Variants in SLCO1B1 observed in about 807,000 individuals in gnomAD.
SLCO1B1 encodes OATP-2.
A neutral mutation model predicts 70.1 loss-of-function variants in SLCO1B1; 81 were observed. That is an observed-to-expected ratio of 1.16 (90% confidence interval 0.97 to 1.39). The LOEUF (loss-of-function observed/expected upper bound fraction) is 1.39, where lower values mean the gene tolerates loss of function less well. Among genes scored for constraint, SLCO1B1 ranks in the 40% most tolerant of loss-of-function variants. SLCO1B1 has a pLI of 0.00. For synonymous variants in SLCO1B1, 283 were observed against 271.5 expected, an observed-to-expected ratio of 1.04 and a Z score of -0.42; for missense variants, 895 against 799.6, an observed-to-expected ratio of 1.12 and a Z score of -1.44.
At chr12:21,149,849 A>G (rs1940443153) in intron 2 of SLCO1B1, among the ~76,000 whole-genome samples, 1 of 152,022 alleles carries the variant, frequency 6.6e-6, no homozygotes, top group Non-Finnish European at 1.5e-5. Context: ...CCAGCAAGAC[A>G]GAACCCTTCA....
At chr12:21,200,258 C>T (rs575972126) in intron 8 of SLCO1B1, among the ~76,000 whole-genome samples, 1 of 152,272 alleles carries the variant, frequency 6.6e-6, no homozygotes, top group Non-Finnish European at 1.5e-5. Context: ...AGTTACAAAA[C>T]AGCACTTACG....
At position 21,224,770 on chromosome 12, in the gene SLCO1B1, G is replaced by A. The variant is rs531488136; in HGVS notation, c.1796G>A (p.Cys599Tyr). ...IYFGALIDTT[C>Y]IKWSTNNCGT... ...TTTGGGGCTCTGATTGATACAACGT[G>A]TATAAAGTGGTCCACCAACAACTGT... The change falls in exon 14 of 15, where the codon TGT becomes TAT. Residue 599 changes from cysteine (C) to tyrosine (Y), a missense_variant. By Grantham distance (194) the Cys-to-Tyr change is radical. Coordinates refer to ENST00000256958, the MANE Select transcript of SLCO1B1 (RefSeq NM_006446.5). The A allele has an allele frequency of 9.9e-6, 16 of 1,612,280 alleles. 1 individual carries two copies. Among genetic ancestry groups the A allele is most frequent in the Admixed American group, 8.3e-5 (5 of 59,970 alleles).
At chr12:21,165,217 T>A (rs1940669499) in intron 2 of SLCO1B1, among the ~76,000 whole-genome samples, 1 of 152,198 alleles carries the variant, frequency 6.6e-6, no homozygotes, top group Non-Finnish European at 1.5e-5. Flanking sequence ...CTTATCTCAA[T>A]GTCAGTTGTC....
chr12:21,171,599 T>A (rs1222674519), intron 2 of SLCO1B1, among the ~76,000 whole-genome samples: 1 of 152,184 alleles, frequency 6.6e-6, no homozygotes, highest in Non-Finnish European at 1.5e-5. Context: ...TAATTGAAGC[T>A]AGGCATGGTG....
At chr12:21,202,250 C>G (rs1388430070) in intron 9 of SLCO1B1, among the ~76,000 whole-genome samples, 1 of 152,036 alleles carries the variant, frequency 6.6e-6, no homozygotes, top group African/African-American at 2.4e-5. Context: ...AGGACAAATA[C>G]CTAATGCATT....
At position 21,217,308 on chromosome 12, in the gene SLCO1B1, G is replaced by A; in HGVS notation, c.1682+5G>A. 5 of 1,612,526 alleles carry A rather than the reference G, an allele frequency of 3.1e-6. No homozygotes were observed. The African/African-American group carries it at 5.3e-5, about 17-fold the overall frequency. ...ACATGTCATGCTGATTGTTAAGTAA[G>A]TATGACTTTTAAAAACATTTTCATA... On this transcript the variant is annotated splice_donor_5th_base_variant and intron_variant, in intron 12 of 14. Coordinates refer to ENST00000256958, the MANE Select transcript of SLCO1B1 (RefSeq NM_006446.5).
intron 3 of SLCO1B1, 21 bp from the exon 4 acceptor site, chr12:21,174,556 A>G (rs753898547): frequency 6.2e-7 from 1 of 1,611,924 alleles, no homozygotes; most frequent in Admixed American, 1.7e-5. Flanking sequence ...CTGTATCAAC[A>G]TAATTTTGTT....
intron 8 of SLCO1B1, among the ~76,000 whole-genome samples, chr12:21,198,578 A>G (rs1289558629): frequency 6.6e-6 from 1 of 152,098 alleles, no homozygotes; most frequent in Non-Finnish European, 1.5e-5. Flanking sequence ...CAGTTTTTGT[A>G]GGTGTGACCC....
At chr12:21,191,480 C>A (rs943150781) in intron 7 of SLCO1B1, among the ~76,000 whole-genome samples, 24 of 151,972 alleles carry the variant, frequency 1.6e-4, no homozygotes, top group Non-Finnish European at 3.2e-4. Context: ...TTGTATCCTG[C>A]AACTTTACAG....
intron 7 of SLCO1B1, among the ~76,000 whole-genome samples, chr12:21,188,092 G>T (rs988406998): frequency 1.3e-5 from 2 of 152,152 alleles, no homozygotes; most frequent in Non-Finnish European, 2.9e-5. Flanking sequence ...TGTGTTGGAA[G>T]AAGGATTAGT....
At position 21,197,205 on chromosome 12, in the gene SLCO1B1, C is replaced by T; in HGVS notation, c.970+17C>T. The T allele has an allele frequency of 9.3e-6, 15 of 1,611,490 alleles. No individual in the cohort carries two copies. The highest frequency in any genetic ancestry group is 1.3e-5 in the Non-Finnish European group (15 of 1,178,754). On this transcript the variant is annotated intron_variant, in intron 8 of 14. Transcript: ENST00000256958. ...ATGTGACTGGTAAGTATTTAACATT[C>T]ATTGTCAATTTGGAGTTGTTAATCT...
At chr12:21,146,371 T>C (rs926317041) in intron 2 of SLCO1B1, among the ~76,000 whole-genome samples, 2 of 152,130 alleles carry the variant, frequency 1.3e-5, no homozygotes, top group Non-Finnish European at 2.9e-5. Context: ...TCAATTTTAT[T>C]AATCTTTCTA....
intron 8 of SLCO1B1, among the ~76,000 whole-genome samples, chr12:21,198,910 G>A (rs544341564): frequency 4.6e-5 from 7 of 151,928 alleles, no homozygotes; most frequent in Non-Finnish European, 7.4e-5. Context: ...AAAATGCAAC[G>A]CTTGTGTGAA....
intron 2 of SLCO1B1, among the ~76,000 whole-genome samples, chr12:21,161,132 C>G (rs1277788620): frequency 6.6e-6 from 1 of 152,154 alleles, no homozygotes; most frequent in African/African-American, 2.4e-5. Context: ...CCAGAACTAC[C>G]ATTCAACCCA....
chr12:21,233,059 A>G lies in SLCO1B1; in HGVS notation c.1866-5920A>G, dbSNP rs141225552. Among the ~76,000 whole-genome samples, 6 of 152,276 alleles carry G rather than the reference A, an allele frequency of 3.9e-5. No individual in the cohort carries two copies. The East Asian group carries it at 9.7e-4, about 25-fold the overall frequency. On this transcript the variant is annotated intron_variant, in intron 14 of 14. Coordinates refer to ENST00000256958, the MANE Select transcript of SLCO1B1 (RefSeq NM_006446.5). ...TAGCAAAATACACATAACAAAACAG[A>G]CATTTGTCACCTCATTCAGCACCCA...
chr12:21,194,071 G>A (rs138566133), intron 7 of SLCO1B1, among the ~76,000 whole-genome samples: 477 of 152,236 alleles, frequency 3.1e-3, no homozygotes, highest in African/African-American at 0.01. Context: ...GATTACAGGC[G>A]TGAGCCACCG....
At chr12:21,141,755 T>C in intron 2 of SLCO1B1, 97 bp downstream of exon 2, 1 of 712,568 alleles carries the variant, frequency 1.4e-6, no homozygotes, top group Non-Finnish European at 2.4e-6. Flanking sequence ...TGTTTCAAAT[T>C]ATAATTTTCA....
chr12:21,134,852 T>C (rs1044699070), intron 1 of SLCO1B1, among the ~76,000 whole-genome samples: 1 of 152,186 alleles, frequency 6.6e-6, no homozygotes. Context: ...GCTCTGATGG[T>C]AGTTATTTCT....
At chr12:21,221,725 G>C (rs1050196148) in intron 12 of SLCO1B1, among the ~76,000 whole-genome samples, 1 of 152,074 alleles carries the variant, frequency 6.6e-6, no homozygotes, top group African/African-American at 2.4e-5. Context: ...TTTTATACCA[G>C]TCAGAACGGC....
Sources: allele counts gnomAD v4.1 joint callset (sites outside exome capture counted in the v4.1 genomes callset), GRCh38; gene constraint gnomAD v4.1.1; transcripts MANE v1.5; gene names NCBI Gene and HGNC (gene_info 2026-07-23, HGNC 2026-07-21).